The following KCNJ10 variants were observed in gnomAD, a reference collection of about 807,000 sequenced individuals.
KCNJ10 encodes ATP-sensitive inward rectifier potassium channel 10.
KCNJ10 carries 9 observed loss-of-function variants against 22.2 expected under a neutral mutation model. The observed-to-expected ratio is 0.40, with a 90% CI of 0.24 to 0.71. The LOEUF is 0.71. Ranked by LOEUF, KCNJ10 falls within the 30% of genes least tolerant of loss-of-function variation. KCNJ10 has a pLI of 0.35. For synonymous variants in KCNJ10, 184 were observed against 187.3 expected (o/e 0.98, Z 0.15); for missense variants, 337 against 482.7 (o/e 0.70, Z 2.83).
At chr1:160,045,840 C>T (rs370308379) in intron 1 of KCNJ10, among the ~76,000 whole-genome samples, 42 of 152,334 alleles carry the variant, frequency 2.8e-4, no homozygotes, top group South Asian at 8.3e-4. Flanking sequence ...AGGACTATCA[C>T]GTGATCAAAG....
chr1:160,038,340 G>A lies in KCNJ10; in HGVS notation c.*3053C>T, dbSNP rs536012546. The A allele has an allele frequency of 1.3e-5, 2 of 152,258 alleles. No individual in the cohort carries two copies. The highest frequency in any genetic ancestry group is 1.3e-4 in the Admixed American group (2 of 15,292). The allele number at this position is 152,258 out of a possible 1,614,324, so 9.4% of individuals were successfully genotyped here. ...CTGGGGATGGGGACACACAGTGTAA[G>A]TGGTAGATTTTCCAAGACTTCCCCT... On this transcript the variant is annotated 3_prime_UTR_variant, in exon 2 of 2. Coordinates refer to ENST00000644903, the MANE Select transcript of KCNJ10 (RefSeq NM_002241.5).
chr1:160,049,039 T>A (rs1648815936), intron 1 of KCNJ10, among the ~76,000 whole-genome samples: 1 of 152,210 alleles, frequency 6.6e-6, no homozygotes, highest in Non-Finnish European at 1.5e-5. Context: ...GGCATTCCTA[T>A]GAAATATTAA....
chr1:160,047,270 G>C (rs1027079682), intron 1 of KCNJ10, among the ~76,000 whole-genome samples: 1 of 152,144 alleles, frequency 6.6e-6, no homozygotes, highest in African/African-American at 2.4e-5. Flanking sequence ...GCTCCCCTTT[G>C]CTTTTTGCTA....
chr1:160,068,858 C>T (rs1017578986), intron 1 of KCNJ10, among the ~76,000 whole-genome samples: 5 of 152,156 alleles, frequency 3.3e-5, no homozygotes, highest in African/African-American at 1.2e-4. Flanking sequence ...TCATGACAAC[C>T]ACTCCAGGCC....
intron 1 of KCNJ10, among the ~76,000 whole-genome samples, chr1:160,043,269 TA>T (rs200572825): frequency 4.8e-4 from 25 of 52,390 alleles, no homozygotes; most frequent in African/African-American, 1.1e-3. Flanking sequence ...CAATCCCCCT[TA>T]AAACACACAC....
chr1:160,046,691 G>A (rs953696950), intron 1 of KCNJ10, among the ~76,000 whole-genome samples: 2 of 152,102 alleles, frequency 1.3e-5, no homozygotes, highest in Admixed American at 1.3e-4. Flanking sequence ...CCACAGCCAG[G>A]CAGCTTTGTT....
Position 160,041,882 on chromosome 1 carries a change from C to A in KCNJ10, c.651G>T (p.Leu217=). The A allele has an allele frequency of 3.7e-6, 6 of 1,614,184 alleles. No homozygotes were observed. The highest frequency in any genetic ancestry group is 5.1e-6 in the Non-Finnish European group (6 of 1,180,024). ...CTTCCTTGGTTTGGTGGGTCTGAAG[C>A]AGTTTTCCTGTCACCTGGCAGCCAA... ...LLIGCQVTGK[L]LQTHQTKEGE... is the part of the protein sequence containing the mutation. The change falls in exon 2 of 2, where the codon CTG becomes CTT. Residue 217 remains leucine (L), a synonymous_variant. Transcript: ENST00000644903. The surrounding 1 kb of genome is among the most constrained non-coding windows in gnomAD (Gnocchi z 4.4).
chr1:160,051,988 T>C (rs1024052447), intron 1 of KCNJ10, among the ~76,000 whole-genome samples: 2 of 152,298 alleles, frequency 1.3e-5, no homozygotes, highest in East Asian at 3.9e-4. Flanking sequence ...GGTAATAGTA[T>C]GCTATCCATC....
chr1:160,062,441 C>T (rs1330146390), intron 1 of KCNJ10: 8 of 152,326 alleles, frequency 5.3e-5, no homozygotes, highest in African/African-American at 1.7e-4. Context: ...GTCCCACAGC[C>T]GAGGGGCGGG....
chr1:160,053,135 C>T (rs76027137), intron 1 of KCNJ10, among the ~76,000 whole-genome samples: 9,354 of 152,140 alleles, frequency 0.061, 394 homozygotes, highest in African/African-American at 0.12. Context: ...TGATTAGGGT[C>T]ACTTCCTGCT....
chr1:160,041,560 C>A lies in KCNJ10; in HGVS notation c.973G>T (p.Ala325Ser), dbSNP rs748547971. Reference protein sequence around the residue: ...ISLSASGKYIADFSLFDQVVK... With the variant: ...ISLSASGKYISDFSLFDQVVK... ...ACTTGGTCAAAAAGGCTAAAGTCAG[C>A]TATGTATTTACCACTGGCTGACAGT... The change falls in exon 2 of 2, where the codon GCT (alanine) becomes TCT (serine). Residue 325 changes from alanine (A) to serine (S), a missense_variant. Physicochemically the swap from Ala to Ser is moderately conservative, Grantham distance 99. This residue lies in a region of KCNJ10 where 165 missense variants were observed against 281.5 expected (regional missense o/e 0.59). Coordinates refer to ENST00000644903, the MANE Select transcript of KCNJ10 (RefSeq NM_002241.5). The surrounding 1 kb of genome is among the most constrained non-coding windows in gnomAD (Gnocchi z 4.4). The A allele has an allele frequency of 6.2e-7, 1 of 1,614,178 alleles. No homozygotes were observed. Among genetic ancestry groups the A allele is most frequent in the Non-Finnish European group, 8.5e-7 (1 of 1,180,030 alleles).
intron 1 of KCNJ10, among the ~76,000 whole-genome samples, chr1:160,051,635 A>G (rs1025524632): frequency 6.6e-6 from 1 of 151,818 alleles, no homozygotes; most frequent in Admixed American, 6.6e-5. Flanking sequence ...CAGGAGCCAG[A>G]CAGGTATGCA....
chr1:160,053,625 TGTG>T (rs1301839963), intron 1 of KCNJ10, among the ~76,000 whole-genome samples: 1 of 151,958 alleles, frequency 6.6e-6, no homozygotes, highest in African/African-American at 2.4e-5. Context: ...TGTGTGTGTG[TGTG>T]TGTGTCCTGG....
intron 1 of KCNJ10, among the ~76,000 whole-genome samples, chr1:160,044,155 T>C (rs147025045): frequency 2.6e-5 from 4 of 152,242 alleles, no homozygotes; most frequent in Admixed American, 6.5e-5. Flanking sequence ...ACCCTGAGAA[T>C]GTTCAGAGGC....
chr1:160,061,370 G>C (rs1649188540), intron 1 of KCNJ10, among the ~76,000 whole-genome samples: 1 of 152,134 alleles, frequency 6.6e-6, no homozygotes, highest in Admixed American at 6.5e-5. Context: ...AAATATCTAT[G>C]TGCCCTGGGC....
At chr1:160,048,287 G>A (rs935450273) in intron 1 of KCNJ10, among the ~76,000 whole-genome samples, 2 of 147,358 alleles carry the variant, frequency 1.4e-5, no homozygotes, top group African/African-American at 2.5e-5. Flanking sequence ...CAGAGTGCGA[G>A]GGGACCCAGG....
chr1:160,051,695 G>A (rs1269885640), intron 1 of KCNJ10, among the ~76,000 whole-genome samples: 4 of 152,042 alleles, frequency 2.6e-5, no homozygotes, highest in African/African-American at 4.8e-5. Flanking sequence ...TGGAGGCGAC[G>A]CCCTTCCTTC....
chr1:160,064,305 T>C (rs769866925), intron 1 of KCNJ10, among the ~76,000 whole-genome samples: 4 of 152,250 alleles, frequency 2.6e-5, no homozygotes, highest in African/African-American at 4.8e-5. Context: ...ACTTTCATTA[T>C]TTCACAGTGT....
Position 160,042,533 on chromosome 1 carries a change from C to A in KCNJ10, c.1-1G>T. 6.2e-7 allele frequency: 1 copy of A among 1,613,752 alleles called. No individual in the cohort carries two copies. On this transcript the variant is annotated splice_acceptor_variant, in intron 1 of 1. Transcript: ENST00000644903. LOFTEE classifies it low-confidence loss of function (5UTR_SPLICE). The stretch of plus-strand genomic sequence containing the variant: ...AATACACCTTGGCAACTGACGTCAT[C>A]TGGAGGGAGCAAGACAGCATAATGG...
Sources: gnomAD v4.1 joint callset for allele counts (sites outside exome capture counted in the v4.1 genomes callset) on GRCh38, gnomAD v4.1.1 for gene constraint, gnomAD v4.1.1 regional missense constraint, Gnocchi (gnomAD v3.1) non-coding constraint, MANE v1.5 for transcripts, NCBI Gene and HGNC (gene_info 2026-07-23, HGNC 2026-07-21) for gene names.